The following ERLIN2 variants were observed in gnomAD, a reference collection of about 807,000 sequenced individuals.
The protein encoded by ERLIN2 is erlin-2.
ERLIN2 carries 22 observed loss-of-function variants against 41.5 expected under a neutral mutation model. The ratio of observed to expected loss-of-function variants is 0.53; its 90% CI spans 0.38 to 0.76. ERLIN2 has a LOEUF of 0.76. ERLIN2 is among the 30% of genes least tolerant of loss of function. The pLI, the probability that ERLIN2 is intolerant of heterozygous loss-of-function variation, is 0.00. For missense variants in ERLIN2, 247 were observed against 414.3 expected (o/e 0.60, Z 3.51); for synonymous variants, 149 against 150.9 (o/e 0.99, Z 0.09).
intron 4 of ERLIN2, among the ~76,000 whole-genome samples, chr8:37,743,696 G>A (rs1002700396): frequency 1.2e-4 from 19 of 152,036 alleles, no homozygotes; most frequent in Admixed American, 1.0e-3. Flanking sequence ...CTTAGGCTTG[G>A]GAATGATACC....
chr8:37,742,097 A>G (rs1448695447), intron 4 of ERLIN2, among the ~76,000 whole-genome samples: 2 of 152,040 alleles, frequency 1.3e-5, no homozygotes. Context: ...TAATCCCAGC[A>G]CTTTGGGAGG....
intron 8 of ERLIN2, 189 bp downstream of exon 8, chr8:37,750,041 G>A (rs1371092816): frequency 4.4e-6 from 3 of 684,238 alleles, no homozygotes; most frequent in African/African-American, 1.8e-5. Context: ...ACCTGTGATT[G>A]AGAACCCCAG....
chr8:37,753,796 C>A (rs185176436), intron 11 of ERLIN2, 119 bp from the exon 12 acceptor site: 1,474 of 901,532 alleles, frequency 1.6e-3, no homozygotes, highest in Non-Finnish European at 2.0e-3. Context: ...AGAAATGTAA[C>A]AATGAGACCA....
At chr8:37,747,263 T>C in intron 6 of ERLIN2, 1 of 788,542 alleles carries the variant, frequency 1.3e-6, no homozygotes, top group East Asian at 2.4e-5. Context: ...AACCAGTCTA[T>C]GTAATCAAGA....
chr8:37,740,471 C>T, intron 3 of ERLIN2, 25 bp downstream of exon 3: 1 of 1,568,738 alleles, frequency 6.4e-7, no homozygotes, highest in Non-Finnish European at 8.8e-7. Flanking sequence ...TGTGGTATGG[C>T]TGGACGACTG....
intron 6 of ERLIN2, among the ~76,000 whole-genome samples, chr8:37,748,578 A>G (rs1392990606): frequency 6.6e-6 from 1 of 152,194 alleles, no homozygotes; most frequent in Non-Finnish European, 1.5e-5. Flanking sequence ...CCGTTTTGGC[A>G]TCAGTGAAAG....
intron 6 of ERLIN2, chr8:37,747,741 C>G: frequency 6.3e-7 from 1 of 1,594,848 alleles, no homozygotes; most frequent in East Asian, 2.2e-5. Flanking sequence ...TCTTTCTGTA[C>G]TGTAGTTCAA....
chr8:37,746,133 A>C, intron 6 of ERLIN2: 1 of 993,640 alleles, frequency 1.0e-6, no homozygotes, highest in Non-Finnish European at 1.2e-6. Context: ...TCTTGCTAGC[A>C]AGCACTACTT....
intron 4 of ERLIN2, 139 bp from the exon 5 acceptor site, chr8:37,744,216 G>T: frequency 1.2e-6 from 1 of 803,290 alleles, no homozygotes; most frequent in South Asian, 1.3e-5. Context: ...CCCACTTGGA[G>T]ATCCAAGCTG....
chr8:37,750,147 C>T, intron 8 of ERLIN2: 1 of 620,074 alleles, frequency 1.6e-6, no homozygotes, highest in East Asian at 2.7e-5. Context: ...GAGCAAGAGA[C>T]CAGTAAGTGG....
Position 37,741,649 on chromosome 8 carries a change from T to C in ERLIN2, c.190-123T>C, listed in dbSNP as rs1802856120. 1.3e-5 allele frequency: 10 copies of C among 789,292 alleles called. No individual in the cohort carries two copies. The highest frequency in any genetic ancestry group is 1.1e-4 in the South Asian group (8 of 70,340). 48.9% of individuals were successfully genotyped at this position (789,292 alleles called of 1,614,324 possible). A position where few individuals can be genotyped will look rare whatever the true frequency, so the allele number is the denominator to read the frequency against. On this transcript the variant is annotated intron_variant, in intron 3 of 11. Transcript: ENST00000519638. The surrounding 1 kb of genome is among the most constrained non-coding windows in gnomAD (Gnocchi z 4.8). ...GAAGGAGGATTAGGTGGGGTAATCA[T>C]GTTTAATGAAGGCCATGCTCAACCC...
chr8:37,746,286 C>G, intron 6 of ERLIN2: 1 of 985,516 alleles, frequency 1.0e-6, no homozygotes, highest in African/African-American at 1.7e-5. Context: ...ATTTTCATCA[C>G]TTCTTACTCT....
chr8:37,749,007 G>A (rs1803150480), intron 6 of ERLIN2, among the ~76,000 whole-genome samples: 1 of 152,198 alleles, frequency 6.6e-6, no homozygotes, highest in Non-Finnish European at 1.5e-5. Context: ...TTTTCCCTTT[G>A]TGTTGTTTGA....
chr8:37,749,471 G>C (rs1236704786), intron 6 of ERLIN2, 88 bp from the exon 7 acceptor site: 1 of 878,868 alleles, frequency 1.1e-6, no homozygotes. Flanking sequence ...TCTTGAGCTG[G>C]TGATTGAGCT....
At chr8:37,742,938 T>C (rs1158223166) in intron 4 of ERLIN2, among the ~76,000 whole-genome samples, 2 of 152,164 alleles carry the variant, frequency 1.3e-5, no homozygotes, top group African/African-American at 4.8e-5. Flanking sequence ...GAGAATGTCA[T>C]AAAGGTAGGG....
chr8:37,747,331 C>G (rs1479979661), intron 6 of ERLIN2: 1 of 1,200,774 alleles, frequency 8.3e-7, no homozygotes, highest in South Asian at 1.2e-5. Flanking sequence ...AGAAAAAAAG[C>G]CTGGTTATTT....
chr8:37,737,149 A>G (rs969047909), intron 1 of ERLIN2: 7 of 282,606 alleles, frequency 2.5e-5, no homozygotes, highest in Non-Finnish European at 3.2e-5. Flanking sequence ...TTCAGCGTTC[A>G]GGATCCCACT....
rs1803362938 is a variant in ERLIN2 at position 37,756,502 on chromosome 8, A to G, written c.*2387A>G. 1 of 152,624 alleles carries G rather than the reference A, an allele frequency of 6.6e-6. No homozygotes were observed. The highest frequency in any genetic ancestry group is 2.4e-5 in the African/African-American group (1 of 41,446). 9.5% of individuals were successfully genotyped at this position (152,624 alleles called of 1,614,324 possible). A position where few individuals can be genotyped will look rare whatever the true frequency, so the allele number is the denominator to read the frequency against. On this transcript the variant is annotated 3_prime_UTR_variant, in exon 12 of 12. Coordinates refer to ENST00000519638, the MANE Select transcript of ERLIN2 (RefSeq NM_007175.8). Reference sequence around the variant, plus strand: ...ATAGCTTGTCCCATGAGCACAGAAGAGCCTCAGTAGAGTCAAGTCCTGCTG... The same window carrying G: ...ATAGCTTGTCCCATGAGCACAGAAGGGCCTCAGTAGAGTCAAGTCCTGCTG...
chr8:37,749,846 A>G lies in ERLIN2; in HGVS notation c.551A>G (p.Glu184Gly). ...CCAGAGGCAATCCGCAGAAACTACG[A>G]GTTGATGTGAGTATACCCTCCGCCT... Reference protein sequence around the residue: ...NIPEAIRRNYELMESEKTKLL... With the variant: ...NIPEAIRRNYGLMESEKTKLL... The change falls in exon 8 of 12, where the codon GAG becomes GGG. Residue 184 changes from glutamate to glycine, a missense_variant. Coordinates refer to ENST00000519638, the MANE Select transcript of ERLIN2 (RefSeq NM_007175.8). The G allele has an allele frequency of 6.2e-7, 1 of 1,613,934 alleles. No homozygotes were observed. Among genetic ancestry groups the G allele is most frequent in the Non-Finnish European group, 8.5e-7 (1 of 1,179,862 alleles).
Sources: gnomAD v4.1 joint callset for allele counts (sites outside exome capture counted in the v4.1 genomes callset) on GRCh38, gnomAD v4.1.1 for gene constraint, Gnocchi (gnomAD v3.1) non-coding constraint, MANE v1.5 for transcripts, NCBI Gene and HGNC (gene_info 2026-07-23, HGNC 2026-07-21) for gene names.